Variants in SGCZ observed in about 807,000 individuals in gnomAD.
SGCZ encodes sarcoglycan zeta, also known as zeta-sarcoglycan.
In SGCZ, 40 loss-of-function variants were observed where a neutral mutation model predicts 41.3. That is an observed-to-expected ratio of 0.97 (90% CI 0.75 to 1.26). The LOEUF (loss-of-function observed/expected upper bound fraction) is 1.26, where lower values mean the gene tolerates loss of function less well. Among genes scored for constraint, SGCZ ranks in the 50% most tolerant of loss-of-function variants. SGCZ has a pLI of 0.00. For missense variants in SGCZ, 552 were observed against 369.8 expected (o/e 1.49, Z -4.04); for synonymous variants, 206 against 137.5 (o/e 1.50, Z -3.49).
intron 2 of SGCZ, among the ~76,000 whole-genome samples, chr8:14,371,905 G>A (rs549501150): frequency 2.0e-5 from 3 of 152,196 alleles, no homozygotes; most frequent in Admixed American, 6.5e-5. Context: ...TAAAGAAGAT[G>A]GAGATCAATA....
chr8:14,358,221 A>G (rs934540931), intron 2 of SGCZ, among the ~76,000 whole-genome samples: 1 of 152,202 alleles, frequency 6.6e-6, no homozygotes, highest in Non-Finnish European at 1.5e-5. Flanking sequence ...CTAGATCTAT[A>G]AACTATAAAT....
intron 2 of SGCZ, among the ~76,000 whole-genome samples, chr8:14,379,969 G>A (rs1013160509): frequency 6.6e-6 from 1 of 152,102 alleles, no homozygotes; most frequent in East Asian, 1.9e-4. Context: ...CCGACCTCAG[G>A]TGATCCACCC....
chr8:14,481,786 G>A (rs538730119), intron 2 of SGCZ, among the ~76,000 whole-genome samples: 1 of 152,114 alleles, frequency 6.6e-6, no homozygotes, highest in Non-Finnish European at 1.5e-5. Context: ...TAGATGAGAG[G>A]TTCCATCTCT....
intron 1 of SGCZ, among the ~76,000 whole-genome samples, chr8:15,212,265 C>G (rs77003297): frequency 0.051 from 7,731 of 152,190 alleles, 229 homozygotes; most frequent in Middle Eastern, 0.068. Context: ...TACACCAACA[C>G]TGGCCAATTC....
At chr8:14,685,054 T>C (rs550141372) in intron 1 of SGCZ, among the ~76,000 whole-genome samples, 1 of 152,154 alleles carries the variant, frequency 6.6e-6, no homozygotes, top group Non-Finnish European at 1.5e-5. Flanking sequence ...GTAGAGCAAG[T>C]CTTCAGCCTC....
At chr8:14,769,569 A>G (rs1800160833) in intron 1 of SGCZ, among the ~76,000 whole-genome samples, 1 of 152,084 alleles carries the variant, frequency 6.6e-6, no homozygotes, top group Non-Finnish European at 1.5e-5. Flanking sequence ...AGGCAGGTGG[A>G]TCATCTGAGG....
chr8:15,132,742 G>T lies in SGCZ; in HGVS notation c.39+104843C>A, dbSNP rs566159196. ...GCTTGAGATTAGTCATTATTGGCAT[G>T]TGTTTACACCATGGCAGTCAGCAAA... is the stretch of plus-strand genomic sequence containing the variant. On this transcript the variant is annotated intron_variant, in intron 1 of 7. Coordinates refer to ENST00000382080, the MANE Select transcript of SGCZ (RefSeq NM_139167.4). Among the ~76,000 whole-genome samples the T allele has an allele frequency of 1.1e-4, 17 of 152,300 alleles. 1 individual carries two copies. The South Asian group carries it at 3.5e-3, about 32-fold the overall frequency.
Position 15,190,334 on chromosome 8 carries a change from TTTCATTCA to T in SGCZ, c.39+47243_39+47250del, listed in dbSNP as rs111964133. On this transcript the variant is annotated intron_variant, in intron 1 of 7. Transcript: ENST00000382080. ...AAAGATGAAATGAAAGGATAATTCA[TTTCATTCA>T]TTCATTCATTCATTCATTCATTCAT... Among the ~76,000 whole-genome samples, 490 of 150,602 alleles carry T rather than the reference TTTCATTCA, an allele frequency of 3.3e-3. 2 individuals carry two copies. Among genetic ancestry groups the T allele is most frequent in the African/African-American group, 0.011 (461 of 41,214 alleles).
At chr8:14,518,008 T>C (rs1802675703) in intron 2 of SGCZ, among the ~76,000 whole-genome samples, 1 of 151,906 alleles carries the variant, frequency 6.6e-6, no homozygotes, top group African/African-American at 2.4e-5. Flanking sequence ...ACGTGTATTT[T>C]GATTTTTTTA....
chr8:15,221,764 C>T (rs946331954), intron 1 of SGCZ, among the ~76,000 whole-genome samples: 2 of 152,220 alleles, frequency 1.3e-5, no homozygotes, highest in East Asian at 3.9e-4. Flanking sequence ...TTTAACTCAT[C>T]TTTGCACAAG....
chr8:14,221,838 G>A (rs892313040), intron 4 of SGCZ, among the ~76,000 whole-genome samples: 5 of 152,036 alleles, frequency 3.3e-5, no homozygotes, highest in African/African-American at 7.2e-5. Context: ...GTGTAATGGC[G>A]TGTGCCTGTA....
intron 1 of SGCZ, among the ~76,000 whole-genome samples, chr8:15,058,566 C>G (rs760413253): frequency 5.9e-5 from 9 of 152,168 alleles, no homozygotes; most frequent in Non-Finnish European, 1.0e-4. Flanking sequence ...ACAGATTTGT[C>G]AAACACCTTT....
chr8:14,299,699 C>T (rs562016765), intron 3 of SGCZ, among the ~76,000 whole-genome samples: 6 of 151,922 alleles, frequency 3.9e-5, no homozygotes, highest in South Asian at 2.1e-4. Context: ...TCTCTTTACA[C>T]GCTGCTGGTA....
intron 2 of SGCZ, among the ~76,000 whole-genome samples, chr8:14,387,171 C>CTGAGTAGCTAGGACTACA (rs1464832502): frequency 6.6e-6 from 1 of 152,156 alleles, no homozygotes; most frequent in Non-Finnish European, 1.5e-5. Context: ...CCTCAGCCTC[C>CTGAGTAGCTAGGACTACA]TGAGTAGCTA....
chr8:14,928,353 A>G (rs1262166889), intron 1 of SGCZ, among the ~76,000 whole-genome samples: 1 of 152,190 alleles, frequency 6.6e-6, no homozygotes, highest in East Asian at 1.9e-4. Flanking sequence ...GTCTGTGCTC[A>G]GGGAGAAAAG....
chr8:14,568,077 C>A (rs185839084), intron 1 of SGCZ, among the ~76,000 whole-genome samples: 26 of 107,456 alleles, frequency 2.4e-4, no homozygotes, highest in East Asian at 1.3e-3. Context: ...ACTAAAGAAC[C>A]TTTGCAGGCA....
intron 1 of SGCZ, among the ~76,000 whole-genome samples, chr8:15,176,731 G>C (rs1424204682): frequency 6.6e-6 from 1 of 152,220 alleles, no homozygotes; most frequent in South Asian, 2.1e-4. Flanking sequence ...GCCGGACACA[G>C]TGGCTCACGC....
chr8:15,001,098 G>A (rs980463007), intron 1 of SGCZ, among the ~76,000 whole-genome samples: 38 of 152,302 alleles, frequency 2.5e-4, no homozygotes, highest in African/African-American at 9.1e-4. Flanking sequence ...AAGAACAACT[G>A]GCCTCTTGGA....
At chr8:14,767,760 A>G (rs1180402142) in intron 1 of SGCZ, among the ~76,000 whole-genome samples, 1 of 152,190 alleles carries the variant, frequency 6.6e-6, no homozygotes, top group Non-Finnish European at 1.5e-5. Flanking sequence ...TTTCTGAGAC[A>G]CCTCTGTACG....
Sources: allele counts gnomAD v4.1 joint callset (sites outside exome capture counted in the v4.1 genomes callset), GRCh38; gene constraint gnomAD v4.1.1; transcripts MANE v1.5; gene names NCBI Gene and HGNC (gene_info 2026-07-23, HGNC 2026-07-21).